The following ZNF366 variants were observed in gnomAD, a reference collection of about 807,000 sequenced individuals.
The protein encoded by ZNF366 is zinc finger protein 366, also known as dendritic cell-specific transcript protein.
In ZNF366, 20 loss-of-function variants were observed where a neutral mutation model predicts 47.2. The ratio of observed to expected loss-of-function variants is 0.42; its 90% CI spans 0.30 to 0.62. The LOEUF is 0.62. ZNF366 is among the 20% of genes least tolerant of loss of function. The pLI is 0.16. For synonymous variants in ZNF366, 421 were observed against 395.1 expected, an observed-to-expected ratio of 1.07 and a Z score of -0.78; for missense variants, 987 against 976.3, an observed-to-expected ratio of 1.01 and a Z score of -0.15.
At chr5:72,504,690 T>C (rs920228885) in intron 1 of ZNF366, among the ~76,000 whole-genome samples, 9 of 152,074 alleles carry the variant, frequency 5.9e-5, no homozygotes, top group Admixed American at 4.6e-4. Flanking sequence ...TGACACAAAT[T>C]ATAGGAGACT....
rs758115238 is a variant in ZNF366, at chr5:72,443,763, C to T, written c.2228G>A (p.Gly743Asp). 44 of 1,612,134 alleles carry T rather than the reference C, an allele frequency of 2.7e-5. No homozygotes were observed. The highest frequency in any genetic ancestry group is 3.5e-5 in the Non-Finnish European group (41 of 1,178,968). ...AATTTTAAAACTGTCCACTTAGATA[C>T]CTAAAAGCACTGCTTGTTTTTCCAT... Reference protein sequence around the residue: ...RKMEKQAVLLGI With the variant: ...RKMEKQAVLLDI Residue 743 changes from glycine to aspartate, a missense_variant, in exon 5 of 5, where the codon GGT becomes GAT. Around this residue, in one of 3 missense-constraint regions of ZNF366, gnomAD observed 285 missense variants for 234.8 expected, o/e 1.21. Transcript: ENST00000318442.
At chr5:72,506,355 T>C (rs1744318388) in intron 1 of ZNF366, among the ~76,000 whole-genome samples, 1 of 152,244 alleles carries the variant, frequency 6.6e-6, no homozygotes, top group Non-Finnish European at 1.5e-5. Flanking sequence ...GCTGGTAACA[T>C]TATCCTTTAT....
chr5:72,499,197 T>G (rs1744163608), intron 1 of ZNF366, among the ~76,000 whole-genome samples: 1 of 152,226 alleles, frequency 6.6e-6, no homozygotes, highest in African/African-American at 2.4e-5. Flanking sequence ...TCTCTGCCCC[T>G]GGAGACTTCT....
At chr5:72,476,626 G>A (rs1207753069) in intron 1 of ZNF366, among the ~76,000 whole-genome samples, 1 of 152,182 alleles carries the variant, frequency 6.6e-6, no homozygotes, top group Non-Finnish European at 1.5e-5. Context: ...ATGAGGCACA[G>A]CCATGGCAAT....
intron 1 of ZNF366, among the ~76,000 whole-genome samples, chr5:72,470,492 T>C (rs1421968): frequency 0.042 from 6,326 of 152,270 alleles, 163 homozygotes; most frequent in Non-Finnish European, 0.059. Flanking sequence ...CCTATCACAA[T>C]TGTTGGATGT....
At chr5:72,447,732 C>CT (rs1380608712) in intron 3 of ZNF366, among the ~76,000 whole-genome samples, 1 of 152,108 alleles carries the variant, frequency 6.6e-6, no homozygotes, top group Non-Finnish European at 1.5e-5. Flanking sequence ...ACAAGTGTTC[C>CT]TCCTTTAATA....
At chr5:72,466,971 C>T (rs1467377637) in intron 1 of ZNF366, among the ~76,000 whole-genome samples, 1 of 152,196 alleles carries the variant, frequency 6.6e-6, no homozygotes, top group East Asian at 1.9e-4. Context: ...AAACAGATTC[C>T]TGAAAAGGCC....
chr5:72,462,735 G>C (rs1265936207), intron 1 of ZNF366, among the ~76,000 whole-genome samples: 1 of 151,898 alleles, frequency 6.6e-6, no homozygotes, highest in Non-Finnish European at 1.5e-5. Flanking sequence ...GTTTTTAGTA[G>C]AGACGGGGTT....
At chr5:72,495,844 G>C (rs978640903) in intron 1 of ZNF366, among the ~76,000 whole-genome samples, 1 of 151,942 alleles carries the variant, frequency 6.6e-6, no homozygotes, top group African/African-American at 2.4e-5. Context: ...CCCCACCCTG[G>C]TACAAAAAGG....
chr5:72,485,741 G>A (rs1457633269), intron 1 of ZNF366, among the ~76,000 whole-genome samples: 1 of 152,160 alleles, frequency 6.6e-6, no homozygotes, highest in Non-Finnish European at 1.5e-5. Context: ...GCCACAGTCC[G>A]CGCCGTGGCC....
chr5:72,455,396 C>T (rs991617789), intron 3 of ZNF366, among the ~76,000 whole-genome samples: 5 of 152,236 alleles, frequency 3.3e-5, no homozygotes, highest in East Asian at 1.9e-4. Flanking sequence ...CATTTGAACC[C>T]GATTAGGTAC....
Position 72,473,633 on chromosome 5 carries a change from C to T in ZNF366, c.-14-12123G>A, listed in dbSNP as rs565745209. 7.2e-5 allele frequency among the ~76,000 whole-genome samples: 11 copies of T among 152,300 alleles called. No individual in the cohort carries two copies. In the East Asian group the frequency reaches 1.2e-3, roughly 16 times the overall value. Reference sequence around the variant, plus strand: ...TTTCATTGACCCATTCCATTCTTCCCGGCTGAACTTAAGTTCAGCTTCTTC... The same window carrying T: ...TTTCATTGACCCATTCCATTCTTCCTGGCTGAACTTAAGTTCAGCTTCTTC... On this transcript the variant is annotated intron_variant, in intron 1 of 4. Coordinates refer to ENST00000318442, the MANE Select transcript of ZNF366 (RefSeq NM_152625.3).
chr5:72,451,943 C>G (rs1410090984), intron 3 of ZNF366, among the ~76,000 whole-genome samples: 1 of 152,208 alleles, frequency 6.6e-6, no homozygotes, highest in African/African-American at 2.4e-5. Flanking sequence ...GGAGGCACCT[C>G]AGGCACTTGC....
rs763238214 is a variant in ZNF366 at position 72,443,859 on chromosome 5, C to G, written c.2132G>C (p.Gly711Ala). 2.5e-6 allele frequency: 4 copies of G among 1,614,036 alleles called. No homozygotes were observed. The highest frequency in any genetic ancestry group is 3.4e-6 in the Non-Finnish European group (4 of 1,180,054). The stretch of plus-strand genomic sequence containing the variant: ...GTATAAGTAATCAGAAAAAGAGGGG[C>G]CCCGCCGGGTACTCTGAAAAGCCCT... Reference protein sequence around the residue: ...SLRAFQSTRRGPSFSDYLYFK... With the variant: ...SLRAFQSTRRAPSFSDYLYFK... Residue 711 changes from glycine (G) to alanine (A), a missense_variant, in exon 5 of 5, where the codon GGC becomes GCC. By Grantham distance (60) the Gly-to-Ala change is moderately conservative (BLOSUM62 0). Coordinates refer to ENST00000318442, the MANE Select transcript of ZNF366 (RefSeq NM_152625.3).
intron 1 of ZNF366, among the ~76,000 whole-genome samples, chr5:72,497,134 T>C (rs189456230): frequency 1.8e-4 from 28 of 152,282 alleles, no homozygotes; most frequent in African/African-American, 6.7e-4. Flanking sequence ...AGAGCAAAAG[T>C]CTTTAATTTT....
intron 1 of ZNF366, among the ~76,000 whole-genome samples, chr5:72,471,073 G>A (rs1743552765): frequency 6.6e-6 from 1 of 152,172 alleles, no homozygotes; most frequent in Non-Finnish European, 1.5e-5. Flanking sequence ...CAAATACAGT[G>A]TGTCCTGGGG....
intron 1 of ZNF366, among the ~76,000 whole-genome samples, chr5:72,489,992 G>T (rs1198982089): frequency 2.6e-5 from 4 of 152,242 alleles, no homozygotes; most frequent in Non-Finnish European, 5.9e-5. Context: ...TCTGGAGGGA[G>T]CTGCAGTCCT....
At position 72,461,407 on chromosome 5, in the gene ZNF366, C is replaced by T; in HGVS notation, c.90G>A (p.Gln30=). 1 of 1,613,148 alleles carries T rather than the reference C, an allele frequency of 6.2e-7. No individual in the cohort carries two copies. The highest frequency in any genetic ancestry group is 8.5e-7 in the Non-Finnish European group (1 of 1,179,250). ...KKTPSFPHCL[Q]PVASRGKAPQ... ...GAGCCTTTCCCCGAGAAGCCACTGG[C>T]TGCAGGCAGTGGGGAAAGGAGGGGG... The change falls in exon 2 of 5, where the codon CAG becomes CAA. Residue 30 remains glutamine, a synonymous_variant. Coordinates refer to ENST00000318442, the MANE Select transcript of ZNF366 (RefSeq NM_152625.3).
chr5:72,503,458 G>A (rs1002428234), intron 1 of ZNF366, among the ~76,000 whole-genome samples: 38 of 151,654 alleles, frequency 2.5e-4, no homozygotes, highest in African/African-American at 8.3e-4. Flanking sequence ...TCAGCAAAAG[G>A]GTCTCACAGA....
Sources: gnomAD v4.1 joint callset for allele counts (sites outside exome capture counted in the v4.1 genomes callset) on GRCh38, gnomAD v4.1.1 for gene constraint, gnomAD v4.1.1 regional missense constraint, MANE v1.5 for transcripts, NCBI Gene and HGNC (gene_info 2026-07-23, HGNC 2026-07-21) for gene names.